AP3B1: variants seen among roughly 807,000 people sequenced by gnomAD.
AP3B1 encodes AP-3 complex subunit beta-1.
A neutral mutation model predicts 132.5 loss-of-function variants in AP3B1; 61 were observed. That is an observed-to-expected ratio of 0.46 (90% CI 0.37 to 0.57). The LOEUF (loss-of-function observed/expected upper bound fraction) is 0.57. Ranked by LOEUF, AP3B1 falls within the 20% of genes least tolerant of loss-of-function variation. The probability of loss-of-function intolerance (pLI) is 0.00; values close to 1 mark genes in which losing one functional copy is unlikely to be tolerated. For synonymous variants in AP3B1, 388 were observed against 438.3 expected (o/e 0.89, Z 1.43); for missense variants, 1,120 against 1,289.4 (o/e 0.87, Z 2.01).
intron 3 of AP3B1, 26 bp from the exon 4 acceptor site, chr5:78,228,265 T>A: frequency 6.4e-7 from 1 of 1,559,410 alleles, no homozygotes; most frequent in East Asian, 2.3e-5. Flanking sequence ...CATTTATTCA[T>A]AACCAGAGTG....
At chr5:78,123,920 T>C (rs1045353447) in intron 17 of AP3B1, among the ~76,000 whole-genome samples, 6 of 152,226 alleles carry the variant, frequency 3.9e-5, no homozygotes, top group African/African-American at 1.4e-4. Flanking sequence ...GCGGCACTAT[T>C]CACAATAGCA....
intron 26 of AP3B1, among the ~76,000 whole-genome samples, chr5:78,005,786 T>G (rs1746366031): frequency 6.6e-6 from 1 of 152,202 alleles, no homozygotes. Flanking sequence ...GTTTTGGCCC[T>G]CGGAAGGCAA....
intron 21 of AP3B1, among the ~76,000 whole-genome samples, chr5:78,096,424 G>A (rs1278937147): frequency 6.6e-6 from 1 of 151,934 alleles, no homozygotes; most frequent in Non-Finnish European, 1.5e-5. Context: ...GCCTCTGCCC[G>A]GCCGCCACCC....
At chr5:78,001,383 C>T (rs571401410), downstream of AP3B1, 4 of 152,288 alleles carry the variant, frequency 2.6e-5, no homozygotes, top group South Asian at 8.3e-4. Flanking sequence ...ACCACAGCGC[C>T]CAGGCTCCAG....
At position 78,267,567 on chromosome 5, in the gene AP3B1, T is replaced by C; in HGVS notation, c.157A>G (p.Ser53Gly). ...TCCAGTTTAGCAGAATCTTTGTTGC[T>C]CTCTAACATTTGCTTTAGATCTTCA... ...KNEDLKQMLESNKDSAKLDAM... is the reference protein window; with the variant it reads ...KNEDLKQMLEGNKDSAKLDAM... Residue 53 changes from serine (S) to glycine (G), a missense_variant, in exon 2 of 27, where the codon AGC becomes GGC. This residue lies in a region of AP3B1 where 85 missense variants were observed against 79.9 expected (regional missense o/e 1.06). Transcript: ENST00000255194. 1 of 1,610,968 alleles carries C rather than the reference T, an allele frequency of 6.2e-7. No homozygotes were observed. The highest frequency in any genetic ancestry group is 8.5e-7 in the Non-Finnish European group (1 of 1,178,042).
At chr5:78,015,315 G>T in intron 26 of AP3B1, 95 bp downstream of exon 26, 1 of 1,266,368 alleles carries the variant, frequency 7.9e-7, no homozygotes, top group South Asian at 1.3e-5. Flanking sequence ...TATGTTTAGG[G>T]GTTATTATTT....
Position 78,253,475 on chromosome 5 carries a change from G to A in AP3B1, c.205-12539C>T, listed in dbSNP as rs6891550. On this transcript the variant is annotated intron_variant, in intron 2 of 26. Transcript: ENST00000255194. ...GTGATGACTACAATAAATACCTAACGCTCCAATGCCCAAAAACTGATGAAC... is the reference window on the plus strand; with the variant it reads ...GTGATGACTACAATAAATACCTAACACTCCAATGCCCAAAAACTGATGAAC... Among the ~76,000 whole-genome samples, 28 of 152,066 alleles carry A rather than the reference G, an allele frequency of 1.8e-4. No individual in the cohort carries two copies. The East Asian group carries it at 2.3e-3, about 13-fold the overall frequency.
At position 78,294,337 on chromosome 5, in the gene AP3B1, C is replaced by T. The variant is rs180876823; in HGVS notation, c.128+115G>A. 1.4e-5 allele frequency: 21 copies of T among 1,501,976 alleles called. No homozygotes were observed. In the East Asian group the frequency reaches 4.8e-4, roughly 34 times the overall value. 93.0% of individuals were successfully genotyped at this position (1,501,976 alleles called of 1,614,324 possible). A position where few individuals can be genotyped will look rare whatever the true frequency, so the allele number is the denominator to read the frequency against. The stretch of plus-strand genomic sequence containing the variant: ...CCCGCGGGACACGTTACCGCCCTGC[C>T]CTGCTCAGACCTCAGGGCGACCCCG... On this transcript the variant is annotated intron_variant, in intron 1 of 26. Coordinates refer to ENST00000255194, the MANE Select transcript of AP3B1 (RefSeq NM_003664.5).
intron 21 of AP3B1, among the ~76,000 whole-genome samples, chr5:78,098,304 TA>T (rs57213410): frequency 0.25 from 35,917 of 144,360 alleles, 4,485 homozygotes; most frequent in Admixed American, 0.32. Flanking sequence ...AAATAAAAAA[TA>T]AAAAAAAAAA....
Position 78,096,312 on chromosome 5 carries a change from G to A in AP3B1, c.2470+4641C>T, listed in dbSNP as rs184560923. On this transcript the variant is annotated intron_variant, in intron 21 of 26. Transcript: ENST00000255194. ...GCAGACAGTGTCTGGTTCACTTAGT[G>A]CTCAATGGTGCCCAGGCTGGAGTGC... 1.4e-4 allele frequency among the ~76,000 whole-genome samples: 22 copies of A among 152,292 alleles called. No individual in the cohort carries two copies. The East Asian group carries it at 3.5e-3, about 24-fold the overall frequency.
At chr5:78,118,674 G>A (rs150715147) in intron 17 of AP3B1, among the ~76,000 whole-genome samples, 3 of 150,186 alleles carry the variant, frequency 2.0e-5, no homozygotes, top group African/African-American at 4.9e-5. Flanking sequence ...AAAGCAGCCA[G>A]GAAGCTCGAA....
At chr5:78,204,457 C>A (rs1303985293) in intron 7 of AP3B1, among the ~76,000 whole-genome samples, 3 of 152,198 alleles carry the variant, frequency 2.0e-5, no homozygotes, top group African/African-American at 7.2e-5. Context: ...CTTATCAGAT[C>A]TTTTCTGAGT....
intron 14 of AP3B1, among the ~76,000 whole-genome samples, chr5:78,141,604 C>T (rs1016171522): frequency 3.9e-5 from 6 of 152,154 alleles, no homozygotes; most frequent in African/African-American, 1.4e-4. Context: ...ATTCTAGAAG[C>T]CAGTCTAGCT....
chr5:78,273,351 T>C (rs1748633644), intron 1 of AP3B1, among the ~76,000 whole-genome samples: 2 of 152,046 alleles, frequency 1.3e-5, no homozygotes, highest in Non-Finnish European at 2.9e-5. Context: ...CAATGAACCA[T>C]GATGATGCCA....
At chr5:78,257,927 T>C (rs1747918511) in intron 2 of AP3B1, among the ~76,000 whole-genome samples, 2 of 152,262 alleles carry the variant, frequency 1.3e-5, no homozygotes, top group Admixed American at 6.5e-5. Context: ...CAGTCTCTAA[T>C]AAATGGTGCT....
At chr5:78,131,531 T>C (rs989386087) in intron 15 of AP3B1, among the ~76,000 whole-genome samples, 5 of 152,084 alleles carry the variant, frequency 3.3e-5, no homozygotes, top group African/African-American at 1.2e-4. Context: ...TAAAAAGTTT[T>C]TACAATATTG....
At chr5:78,261,435 AT>A (rs1378073667) in intron 2 of AP3B1, among the ~76,000 whole-genome samples, 1 of 151,602 alleles carries the variant, frequency 6.6e-6, no homozygotes, top group East Asian at 1.9e-4. Context: ...TCTTCTACCC[AT>A]TTTTTCATTT....
chr5:78,251,106 A>G (rs565928633), intron 2 of AP3B1, among the ~76,000 whole-genome samples: 31 of 152,244 alleles, frequency 2.0e-4, no homozygotes, highest in African/African-American at 6.5e-4. Flanking sequence ...AAATTTTAGA[A>G]TCAAAGGGTT....
Position 78,294,518 on chromosome 5 carries a change from C to T in AP3B1, c.62G>A (p.Gly21Asp). The T allele has an allele frequency of 2.5e-6, 4 of 1,614,260 alleles. No homozygotes were observed. The highest frequency in any genetic ancestry group is 3.4e-6 in the Non-Finnish European group (4 of 1,180,048). ...QSGGGEATEL[G>D]QEATSTISPS... ...GGAAATGGTTGAGGTCGCCTCCTGA[C>T]CCAGCTCCGTCGCCTCCCCTCCTCC... Residue 21 changes from glycine to aspartate, a missense_variant, in exon 1 of 27, where the codon GGT becomes GAT. Physicochemically the swap from Gly to Asp is moderately conservative, Grantham distance 94. Transcript: ENST00000255194.
Sources: allele counts gnomAD v4.1 joint callset (sites outside exome capture counted in the v4.1 genomes callset), GRCh38; gene constraint gnomAD v4.1.1; regional missense constraint gnomAD v4.1.1; transcripts MANE v1.5; gene names NCBI Gene and HGNC (gene_info 2026-07-23, HGNC 2026-07-21).